RBFOX1: variants seen among roughly 807,000 people sequenced by gnomAD.
RBFOX1 encodes RNA binding fox-1 homolog 1.
A neutral mutation model predicts 57.7 loss-of-function variants in RBFOX1; 8 were observed. The observed-to-expected ratio is 0.14, with a 90% confidence interval of 0.08 to 0.25. The LOEUF is 0.25. Among genes scored for constraint, RBFOX1 ranks in the 10% least tolerant of loss-of-function variants. The pLI is 1.00. For missense variants in RBFOX1, 611 were observed against 548.5 expected (o/e 1.11, Z -1.14); for synonymous variants, 326 against 222.4 (o/e 1.47, Z -4.15).
intron 4 of RBFOX1, among the ~76,000 whole-genome samples, chr16:7,141,985 TCTTCTCCTTCTTC>T (rs1323139976): frequency 7.5e-6 from 1 of 133,264 alleles, no homozygotes; most frequent in Non-Finnish European, 1.7e-5. Context: ...TTCTTCTCCA[TCTTCTCCTTCTTC>T]TTCCTCCTTC....
At chr16:6,588,900 G>A (rs963903261) in intron 2 of RBFOX1, among the ~76,000 whole-genome samples, 1 of 152,268 alleles carries the variant, frequency 6.6e-6, no homozygotes, top group African/African-American at 2.4e-5. Context: ...TGGCAGTAAA[G>A]TTGGTCACTG....
At chr16:6,385,084 C>G (rs947119318) in intron 2 of RBFOX1, among the ~76,000 whole-genome samples, 3 of 152,190 alleles carry the variant, frequency 2.0e-5, no homozygotes, top group Admixed American at 6.5e-5. Flanking sequence ...TTCAAACTCT[C>G]AGACTCTCAT....
chr16:5,967,543 C>T lies in RBFOX1; in HGVS notation c.351+100208C>T, dbSNP rs1282008939. On this transcript the variant is annotated intron_variant, in intron 4 of 19. Transcript: ENST00000641259. ...TACTGAGTTATTCATCGTTTCTATGCCTTTATAGTAGATAAAGCAAGAAAA... is the reference window on the plus strand; with the variant it reads ...TACTGAGTTATTCATCGTTTCTATGTCTTTATAGTAGATAAAGCAAGAAAA... Among the ~76,000 whole-genome samples, 6 of 152,150 alleles carry T rather than the reference C, an allele frequency of 3.9e-5. No homozygotes were observed. In the South Asian group the frequency reaches 1.2e-3, roughly 32 times the overall value.
chr16:5,758,284 C>G (rs1350698091), intron 3 of RBFOX1, among the ~76,000 whole-genome samples: 1 of 152,134 alleles, frequency 6.6e-6, no homozygotes. Flanking sequence ...TGGTATTTAT[C>G]CTTGAAATAA....
chr16:6,567,325 A>G (rs2097280918), intron 2 of RBFOX1, among the ~76,000 whole-genome samples: 1 of 152,192 alleles, frequency 6.6e-6, no homozygotes, highest in Non-Finnish European at 1.5e-5. Flanking sequence ...GAGATGGGGA[A>G]ACTGAGGCAT....
intron 5 of RBFOX1, among the ~76,000 whole-genome samples, chr16:7,577,751 T>A (rs1001764881): frequency 4.6e-5 from 7 of 152,078 alleles, no homozygotes; most frequent in Admixed American, 3.9e-4. Context: ...AAATAAAAAT[T>A]AGCTGGGTAT....
intron 4 of RBFOX1, among the ~76,000 whole-genome samples, chr16:7,354,871 G>T (rs368507566): frequency 2.0e-5 from 3 of 152,174 alleles, no homozygotes; most frequent in Admixed American, 1.3e-4. Context: ...TAAAAGTTCT[G>T]CTGGACAGCT....
In RBFOX1 at chr16:6,264,253, A is replaced by T. The variant is rs553847584; in HGVS notation, c.-126-52742A>T. Among the ~76,000 whole-genome samples, 3 of 152,186 alleles carry T rather than the reference A, an allele frequency of 2.0e-5. No homozygotes were observed. In the South Asian group the frequency reaches 6.2e-4, roughly 32 times the overall value. On this transcript the variant is annotated intron_variant, in intron 1 of 15. Transcript: ENST00000550418. ...CAGCTTCCTGTCATGAAAGGAGAAA[A>T]ACTGAGGTCCAAGGAAGTATGCAAC... is the stretch of plus-strand genomic sequence containing the variant.
chr16:5,489,621 G>C (rs1437505689), intron 2 of RBFOX1, among the ~76,000 whole-genome samples: 1 of 152,146 alleles, frequency 6.6e-6, no homozygotes, highest in Non-Finnish European at 1.5e-5. Context: ...ATTAGCTGGT[G>C]GTATTATTGT....
chr16:7,252,413 A>C (rs932381393), intron 4 of RBFOX1, among the ~76,000 whole-genome samples: 4 of 152,234 alleles, frequency 2.6e-5, no homozygotes, highest in Non-Finnish European at 5.9e-5. Context: ...TTCAACTGAC[A>C]GTTCCTAGGC....
chr16:6,748,312 C>CAT (rs1264938334), intron 3 of RBFOX1, among the ~76,000 whole-genome samples: 1 of 152,002 alleles, frequency 6.6e-6, no homozygotes, highest in East Asian at 1.9e-4. Flanking sequence ...CATACACACA[C>CAT]ATATATACGT....
chr16:6,223,515 G>C (rs1355388225), intron 1 of RBFOX1, among the ~76,000 whole-genome samples: 2 of 152,244 alleles, frequency 1.3e-5, no homozygotes, highest in African/African-American at 4.8e-5. Flanking sequence ...AGAAGTGTCT[G>C]TTCATATCCT....
At chr16:5,596,573 C>T (rs748806177) in intron 2 of RBFOX1, among the ~76,000 whole-genome samples, 1 of 152,134 alleles carries the variant, frequency 6.6e-6, no homozygotes, top group Non-Finnish European at 1.5e-5. Context: ...GGAGGCCCGT[C>T]TCAAAGAAAG....
At chr16:5,779,123 G>A (rs947750119) in intron 3 of RBFOX1, among the ~76,000 whole-genome samples, 76 of 152,140 alleles carry the variant, frequency 5.0e-4, no homozygotes, top group Non-Finnish European at 4.1e-4. Context: ...TTGATGACAA[G>A]TTTAGGGTGA....
intron 2 of RBFOX1, among the ~76,000 whole-genome samples, chr16:5,526,846 GAAGT>G (rs148640564): frequency 0.037 from 5,615 of 152,244 alleles, 343 homozygotes; most frequent in African/African-American, 0.13. Flanking sequence ...TTTGAGTTTT[GAAGT>G]AAGACTCCTT....
intron 3 of RBFOX1, among the ~76,000 whole-genome samples, chr16:5,660,041 G>T (rs1337381255): frequency 6.6e-6 from 1 of 152,090 alleles, no homozygotes; most frequent in Non-Finnish European, 1.5e-5. Context: ...CATCCTGAGA[G>T]GGGACCCATA....
chr16:5,916,714 G>C (rs1218670112), intron 4 of RBFOX1, among the ~76,000 whole-genome samples: 4 of 152,090 alleles, frequency 2.6e-5, no homozygotes, highest in Non-Finnish European at 4.4e-5. Flanking sequence ...AAGCTGCCGG[G>C]TCAGCACCAC....
chr16:7,571,196 C>G (rs1221862874), intron 5 of RBFOX1, among the ~76,000 whole-genome samples: 1 of 145,994 alleles, frequency 6.8e-6, no homozygotes, highest in African/African-American at 2.5e-5. Flanking sequence ...TGCACATGTA[C>G]TCCAGAACTT....
At chr16:7,013,042 C>G (rs989751219) in intron 3 of RBFOX1, among the ~76,000 whole-genome samples, 2 of 152,034 alleles carry the variant, frequency 1.3e-5, no homozygotes, top group Non-Finnish European at 2.9e-5. Flanking sequence ...TCTTTCTCTC[C>G]TTTTAAGGGC....
Sources: allele counts gnomAD v4.1 joint callset (sites outside exome capture counted in the v4.1 genomes callset), GRCh38; gene constraint gnomAD v4.1.1; transcripts MANE v1.5; gene names NCBI Gene and HGNC (gene_info 2026-07-23, HGNC 2026-07-21).